DIP2A: variants seen among roughly 807,000 people sequenced by gnomAD.
DIP2A encodes the protein DIP2 acetate--CoA ligase A.
DIP2A carries 85 observed loss-of-function variants against 177.4 expected under a neutral mutation model. The ratio of observed to expected loss-of-function variants is 0.48; its 90% CI spans 0.40 to 0.57. The LOEUF is 0.57. Among genes scored for constraint, DIP2A ranks in the 20% least tolerant of loss-of-function variants. The pLI, the probability that DIP2A is intolerant of heterozygous loss-of-function variation, is 0.00. For missense variants in DIP2A, 1,791 were observed against 2,100.2 expected (o/e 0.85, Z 2.88); for synonymous variants, 886 against 881.8 (o/e 1.00, Z -0.08).
intron 1 of DIP2A, among the ~76,000 whole-genome samples, chr21:46,478,610 CT>C (rs1365850061): frequency 1.2e-4 from 18 of 152,132 alleles, no homozygotes; most frequent in African/African-American, 4.3e-4. Flanking sequence ...GTGGTATATC[CT>C]TTCATTTCTT....
Position 46,563,918 on chromosome 21 carries a change from TCA to T in DIP2A, c.4154_4155del (p.His1385ProfsTer58), listed in dbSNP as rs1475697189. 2 of 1,612,692 alleles carry T rather than the reference TCA, an allele frequency of 1.2e-6. No individual in the cohort carries two copies. The highest frequency in any genetic ancestry group is 1.7e-6 in the Non-Finnish European group (2 of 1,179,618). ...CGAGACCAAAGGACCCTTGGGAGAC[TCA>T]CACCTGGGAGAGGTGAGCAGGGGCC... is the stretch of plus-strand genomic sequence containing the variant. ...HTETKGPLGD[S>X]HLGEIWVSSP... On this transcript the variant is annotated frameshift_variant, in exon 35 of 38. Transcript: ENST00000417564. LOFTEE classifies it high-confidence loss of function. This position sits in a 1 kb window ranked among gnomAD's most constrained non-coding sequence, Gnocchi z 4.3.
Position 46,537,363 on chromosome 21 carries a change from G to T in DIP2A, c.1707+75G>T. ...AACCCAAGCCTCTGCCTGAAATGTT[G>T]TTGGGAGAGTACATCGGTTTTGTTT... is the stretch of plus-strand genomic sequence containing the variant. On this transcript the variant is annotated intron_variant, in intron 14 of 37. Coordinates refer to ENST00000417564, the MANE Select transcript of DIP2A (RefSeq NM_015151.4). This position sits in a 1 kb window ranked among gnomAD's most constrained non-coding sequence, Gnocchi z 4.1. 3 of 1,610,334 alleles carry T rather than the reference G, an allele frequency of 1.9e-6. No individual in the cohort carries two copies. Among genetic ancestry groups the T allele is most frequent in the Non-Finnish European group, 2.5e-6 (3 of 1,176,548 alleles).
chr21:46,537,241 G>A lies in DIP2A; in HGVS notation c.1660G>A (p.Val554Met), dbSNP rs774386376. ...GYSEAETLTN[V>M]LDFKRDAGLW... ...ACTTGCAGCTGAAACATTAACAAAC[G>A]TGCTGGATTTCAAAAGGGATGCTGG... Residue 554 changes from valine (V) to methionine (M), a missense_variant, in exon 14 of 38, where the codon GTG (valine) becomes ATG (methionine). Coordinates refer to ENST00000417564, the MANE Select transcript of DIP2A (RefSeq NM_015151.4). This position sits in a 1 kb window ranked among gnomAD's most constrained non-coding sequence, Gnocchi z 4.1. 7.4e-6 allele frequency: 12 copies of A among 1,613,902 alleles called. No individual in the cohort carries two copies. Among genetic ancestry groups the A allele is most frequent in the Non-Finnish European group, 1.0e-5 (12 of 1,179,904 alleles).
chr21:46,540,418 C>A (rs1653362821), intron 17 of DIP2A, among the ~76,000 whole-genome samples: 1 of 152,102 alleles, frequency 6.6e-6, no homozygotes, highest in African/African-American at 2.4e-5. Flanking sequence ...CTGTGCTGCT[C>A]CTGTGGCGGT....
chr21:46,554,440 T>C (rs1048697374), intron 26 of DIP2A, 135 bp from the exon 27 acceptor site: 9 of 1,540,774 alleles, frequency 5.8e-6, no homozygotes, highest in Admixed American at 3.7e-5. Flanking sequence ...TCAGCTCAGC[T>C]ACCCCTGTGG....
rs189183452 is a variant in DIP2A at position 46,474,761 on chromosome 21, C to T, written c.92-9996C>T. ...GCCTCCCAAGTAGCTGGAACTATAG[C>T]TGCGCACCCCCACATCCTGCTAGGT... On this transcript the variant is annotated intron_variant, in intron 1 of 37. Coordinates refer to ENST00000417564, the MANE Select transcript of DIP2A (RefSeq NM_015151.4). Among the ~76,000 whole-genome samples, 97 of 152,240 alleles carry T rather than the reference C, an allele frequency of 6.4e-4. 1 individual carries two copies. The highest frequency in any genetic ancestry group is 1.3e-3 in the Non-Finnish European group (86 of 68,010).
intron 8 of DIP2A, among the ~76,000 whole-genome samples, chr21:46,528,527 CTTTTTTTTTTTTTT>C (rs1162872343): frequency 6.5e-4 from 19 of 29,378 alleles, no homozygotes; most frequent in African/African-American, 1.7e-3. Flanking sequence ...TTTCTGCTTG[CTTTTTTTTTTTTTT>C]TTTTTTTTTT....
chr21:46,547,067 C>A, intron 21 of DIP2A, 25 bp downstream of exon 21: 1 of 1,606,988 alleles, frequency 6.2e-7, no homozygotes, highest in African/African-American at 1.3e-5. Context: ...ACCCCCACGC[C>A]GGGAGTAGAT....
chr21:46,513,475 A>G (rs1365469562), intron 8 of DIP2A, among the ~76,000 whole-genome samples: 1 of 152,080 alleles, frequency 6.6e-6, no homozygotes, highest in Non-Finnish European at 1.5e-5. Context: ...TTGTCTCTCC[A>G]TGCTCTGAAT....
chr21:46,580,211 C>CT, the DIP2A span, among the ~76,000 whole-genome samples: 8 of 151,868 alleles, frequency 5.3e-5, no homozygotes, highest in Admixed American at 6.6e-5. Context: ...TAATGCCCTT[C>CT]TTTTTTTTAA....
At chr21:46,465,427 A>T (rs1328836365) in intron 1 of DIP2A, among the ~76,000 whole-genome samples, 2 of 151,306 alleles carry the variant, frequency 1.3e-5, no homozygotes, top group Non-Finnish European at 2.9e-5. Context: ...AAAAAAAATT[A>T]GCTGGTCATG....
At position 46,557,393 on chromosome 21, in the gene DIP2A, C is replaced by T; in HGVS notation, c.3630-192C>T. The T allele has an allele frequency of 6.8e-6, 5 of 732,640 alleles. No individual in the cohort carries two copies. Among genetic ancestry groups the T allele is most frequent in the Non-Finnish European group, 1.1e-5 (5 of 458,938 alleles). The allele number at this position is 732,640 out of a possible 1,614,324, so 45.4% of individuals were successfully genotyped here. On this transcript the variant is annotated intron_variant, in intron 30 of 37. Coordinates refer to ENST00000417564, the MANE Select transcript of DIP2A (RefSeq NM_015151.4). The surrounding 1 kb of genome is among the most constrained non-coding windows in gnomAD (Gnocchi z 6.0). The stretch of plus-strand genomic sequence containing the variant: ...CTCTCCAAGTGTTCGGAGCAGAGCT[C>T]AGAACCCCGTGCCTGCCATCCCCCA...
Position 46,563,758 on chromosome 21 carries a change from T to G in DIP2A, c.4090-100T>G. The G allele has an allele frequency of 8.5e-6, 13 of 1,522,064 alleles. No individual in the cohort carries two copies. The highest frequency in any genetic ancestry group is 1.1e-5 in the Non-Finnish European group (13 of 1,131,574). 94.3% of individuals were successfully genotyped at this position (1,522,064 alleles called of 1,614,324 possible). A position where few individuals can be genotyped will look rare whatever the true frequency, so the allele number is the denominator to read the frequency against. ...TGACCTGACATGAGCACATCAGTCC[T>G]GCAGGCCAGCTTCTGAGGGACGTTA... is the stretch of plus-strand genomic sequence containing the variant. On this transcript the variant is annotated intron_variant, in intron 34 of 37. Transcript: ENST00000417564. This position sits in a 1 kb window ranked among gnomAD's most constrained non-coding sequence, Gnocchi z 4.3.
At chr21:46,461,270 C>T (rs1289753585) in intron 1 of DIP2A, among the ~76,000 whole-genome samples, 1 of 8,740 alleles carries the variant, frequency 1.1e-4, no homozygotes, top group African/African-American at 4.3e-4. Context: ...TCTCTTCTCA[C>T]CAAAAAAAAA....
At chr21:46,558,058 C>T (rs1185306455) in intron 31 of DIP2A, among the ~76,000 whole-genome samples, 165 bp from the exon 32 acceptor site, 1 of 152,180 alleles carries the variant, frequency 6.6e-6, no homozygotes, top group East Asian at 1.9e-4. Flanking sequence ...AATCGTTTAG[C>T]GCATCCACAC....
chr21:46,554,505 G>A (rs2060385963), intron 26 of DIP2A, 70 bp from the exon 27 acceptor site: 8 of 1,584,544 alleles, frequency 5.0e-6, no homozygotes. Context: ...TCTCTCGCAG[G>A]AACAGTGAAC....
intron 10 of DIP2A, 151 bp from the exon 11 acceptor site, chr21:46,533,373 A>G (rs1484479690): frequency 1.3e-5 from 10 of 794,278 alleles, no homozygotes; most frequent in Non-Finnish European, 1.6e-5. Flanking sequence ...TGAAAAGATC[A>G]TATATATCAA....
At chr21:46,496,877 A>G in intron 3 of DIP2A, 111 bp from the exon 4 acceptor site, 1 of 1,053,468 alleles carries the variant, frequency 9.5e-7, no homozygotes, top group Middle Eastern at 2.2e-4. Context: ...AGACAGAGAG[A>G]GCTTCTATTC....
intron 6 of DIP2A, among the ~76,000 whole-genome samples, chr21:46,509,032 A>G (rs945898030): frequency 7.3e-5 from 11 of 151,660 alleles, no homozygotes; most frequent in African/African-American, 2.7e-4. Flanking sequence ...AAAAAAACAA[A>G]AACAAAAAAA....
Sources: allele counts gnomAD v4.1 joint callset (sites outside exome capture counted in the v4.1 genomes callset), GRCh38; gene constraint gnomAD v4.1.1; non-coding constraint Gnocchi (gnomAD v3.1); transcripts MANE v1.5; gene names NCBI Gene and HGNC (gene_info 2026-07-23, HGNC 2026-07-21).